The following UNC5D variants were observed in gnomAD, a reference collection of about 807,000 sequenced individuals.
UNC5D encodes the protein unc-5 netrin receptor D, also known as netrin receptor UNC5D.
UNC5D carries 39 observed loss-of-function variants against 105.4 expected under a neutral mutation model. The observed-to-expected ratio is 0.37, with a 90% CI of 0.29 to 0.48. The LOEUF (loss-of-function observed/expected upper bound fraction) is 0.48. Ranked by LOEUF, UNC5D falls within the 20% of genes least tolerant of loss-of-function variation. UNC5D has a pLI of 0.98. For missense variants in UNC5D, 991 were observed against 1,202.4 expected (o/e 0.82, Z 2.60); for synonymous variants, 452 against 450.4 (o/e 1.00, Z -0.04).
chr8:35,650,158 C>T (rs72634963), intron 4 of UNC5D, among the ~76,000 whole-genome samples: 3 of 152,174 alleles, frequency 2.0e-5, no homozygotes, highest in Non-Finnish European at 2.9e-5. Context: ...CAAAACACCC[C>T]ACAACCACTT....
chr8:35,443,663 T>G (rs948111824), intron 1 of UNC5D, among the ~76,000 whole-genome samples: 1 of 151,994 alleles, frequency 6.6e-6, no homozygotes, highest in Non-Finnish European at 1.5e-5. Context: ...AGCTTCACAC[T>G]GGAAAGAATA....
At chr8:35,417,944 C>G (rs750729160) in intron 1 of UNC5D, among the ~76,000 whole-genome samples, 7 of 152,024 alleles carry the variant, frequency 4.6e-5, no homozygotes, top group Non-Finnish European at 5.9e-5. Context: ...CTTCTGACTC[C>G]GATTTCCAGA....
intron 1 of UNC5D, among the ~76,000 whole-genome samples, chr8:35,472,096 T>C (rs867126708): frequency 2.0e-5 from 3 of 152,330 alleles, no homozygotes; most frequent in South Asian, 4.1e-4. Context: ...TTGCTACTTA[T>C]GTAGAAATGA....
chr8:35,419,314 G>C (rs117018244), intron 1 of UNC5D, among the ~76,000 whole-genome samples: 99 of 152,240 alleles, frequency 6.5e-4, no homozygotes, highest in Non-Finnish European at 1.4e-3. Context: ...TCAGCTCCAG[G>C]CTCACCGTTG....
chr8:35,654,509 G>A (rs542508937), intron 4 of UNC5D, among the ~76,000 whole-genome samples: 17 of 152,136 alleles, frequency 1.1e-4, no homozygotes, highest in Non-Finnish European at 2.1e-4. Flanking sequence ...TTTGGAGCAC[G>A]GAGCAGTGGA....
intron 1 of UNC5D, among the ~76,000 whole-genome samples, chr8:35,238,892 A>G (rs1002010266): frequency 1.3e-5 from 2 of 152,186 alleles, no homozygotes; most frequent in Non-Finnish European, 2.9e-5. Flanking sequence ...TAAAATCTAT[A>G]GTCATTTCTA....
chr8:35,297,184 C>T (rs1346817307), intron 1 of UNC5D, among the ~76,000 whole-genome samples: 1 of 151,878 alleles, frequency 6.6e-6, no homozygotes, highest in African/African-American at 2.4e-5. Flanking sequence ...TTCCTGACAC[C>T]TCCCTCAATC....
chr8:35,723,133 G>A (rs1273089490), intron 9 of UNC5D, among the ~76,000 whole-genome samples: 5 of 152,094 alleles, frequency 3.3e-5, no homozygotes, highest in African/African-American at 9.7e-5. Flanking sequence ...TTTCTACCTT[G>A]ACCCTCATCG....
chr8:35,482,894 C>A (rs898298127), intron 1 of UNC5D, among the ~76,000 whole-genome samples: 12 of 148,948 alleles, frequency 8.1e-5, no homozygotes, highest in Non-Finnish European at 1.3e-4. Flanking sequence ...CTTCTGCCTC[C>A]TGGATTCAAG....
chr8:35,792,882 T>G lies in UNC5D; in HGVS notation c.*2319T>G, dbSNP rs1418312097. 9 of 376,866 alleles carry G rather than the reference T, an allele frequency of 2.4e-5. No individual in the cohort carries two copies. The Admixed American group carries it at 2.8e-4, about 12-fold the overall frequency. The allele number at this position is 376,866 out of a possible 1,614,324, so 23.3% of individuals were successfully genotyped here. A position where few individuals can be genotyped will look rare whatever the true frequency, so the allele number is the denominator to read the frequency against. ...TTTTTAAATAGATGAAAATTCTAAA[T>G]GATTTTCCCTCAAATCTATCTAGAT... On this transcript the variant is annotated 3_prime_UTR_variant, in exon 17 of 17. Coordinates refer to ENST00000404895, the MANE Select transcript of UNC5D (RefSeq NM_080872.4).
At chr8:35,236,143 C>G (rs1018841138) in intron 1 of UNC5D, among the ~76,000 whole-genome samples, 1 of 152,194 alleles carries the variant, frequency 6.6e-6, no homozygotes, top group African/African-American at 2.4e-5. Context: ...CTTGCCTGCT[C>G]CATTTTCCAA....
intron 1 of UNC5D, among the ~76,000 whole-genome samples, chr8:35,548,849 A>G (rs1438574746): frequency 6.6e-6 from 1 of 152,198 alleles, no homozygotes; most frequent in South Asian, 2.1e-4. Flanking sequence ...ATGGCTGAGT[A>G]TCCTCTGTTA....
intron 8 of UNC5D, among the ~76,000 whole-genome samples, chr8:35,715,795 A>G (rs1439862380): frequency 6.9e-6 from 1 of 145,576 alleles, no homozygotes; most frequent in Admixed American, 6.7e-5. Context: ...CAGGGAACAG[A>G]AAAAAAAAAG....
At chr8:35,415,133 C>G (rs1484219804) in intron 1 of UNC5D, among the ~76,000 whole-genome samples, 1 of 152,042 alleles carries the variant, frequency 6.6e-6, no homozygotes, top group Non-Finnish European at 1.5e-5. Context: ...AGTATTTTGT[C>G]TCTCCCAACA....
rs1273125636 is a variant in UNC5D, at chr8:35,726,228, G to C, written c.1380G>C (p.Leu460=). 6.2e-7 allele frequency: 1 copy of C among 1,614,166 alleles called. No individual in the cohort carries two copies. The highest frequency in any genetic ancestry group is 8.5e-7 in the Non-Finnish European group (1 of 1,180,024). ...GGACATACAGCGGACCCATCTGTCT[G>C]CAGGACCCTCTGGACAAGGAGCTCA... is the stretch of plus-strand genomic sequence containing the variant. ...VSRTYSGPIC[L]QDPLDKELMT... is the part of the protein sequence containing the mutation. The change falls in exon 10 of 17, where the codon CTG becomes CTC. Residue 460 remains leucine (L), a synonymous_variant. Coordinates refer to ENST00000404895, the MANE Select transcript of UNC5D (RefSeq NM_080872.4).
intron 4 of UNC5D, among the ~76,000 whole-genome samples, chr8:35,654,390 T>C (rs548501195): frequency 2.0e-4 from 30 of 152,270 alleles, no homozygotes; most frequent in African/African-American, 6.5e-4. Flanking sequence ...CTGTGAGTTA[T>C]TGCTCTTTGT....
intron 1 of UNC5D, among the ~76,000 whole-genome samples, chr8:35,342,733 T>C (rs1811537894): frequency 6.6e-6 from 1 of 152,090 alleles, no homozygotes; most frequent in Non-Finnish European, 1.5e-5. Context: ...ACAGACCTAC[T>C]ACCTTACTAG....
intron 1 of UNC5D, among the ~76,000 whole-genome samples, chr8:35,495,458 CAAAAAA>C (rs71547636): frequency 5.2e-4 from 23 of 44,620 alleles, no homozygotes; most frequent in African/African-American, 2.3e-3. Context: ...ACAACAACAA[CAAAAAA>C]AAAAAAAAAA....
At chr8:35,562,753 T>A (rs1204553083) in intron 2 of UNC5D, among the ~76,000 whole-genome samples, 1 of 152,062 alleles carries the variant, frequency 6.6e-6, no homozygotes, top group Non-Finnish European at 1.5e-5. Flanking sequence ...TATTTTCTCA[T>A]TTTCAGTGGG....
Sources: allele counts gnomAD v4.1 joint callset (sites outside exome capture counted in the v4.1 genomes callset), GRCh38; gene constraint gnomAD v4.1.1; transcripts MANE v1.5; gene names NCBI Gene and HGNC (gene_info 2026-07-23, HGNC 2026-07-21).